Variants in ACTR3B observed in about 807,000 individuals in gnomAD.
ACTR3B encodes the protein actin-related protein 3B.
Under a neutral mutation model 59.0 loss-of-function variants are expected in ACTR3B, and 8 were observed. The ratio of observed to expected loss-of-function variants is 0.14; its 90% CI spans 0.08 to 0.24. The LOEUF (loss-of-function observed/expected upper bound fraction) is 0.24, where lower values mean the gene tolerates loss of function less well. ACTR3B is among the 10% of genes least tolerant of loss of function. ACTR3B has a pLI of 1.00. For missense variants in ACTR3B, 245 were observed against 552.3 expected, an observed-to-expected ratio of 0.44 and a Z score of 5.58; for synonymous variants, 148 against 197.9, an observed-to-expected ratio of 0.75 and a Z score of 2.12.
chr7:152,851,677 T>C (rs1160404520), intron 9 of ACTR3B, among the ~76,000 whole-genome samples: 1 of 152,200 alleles, frequency 6.6e-6, no homozygotes, highest in African/African-American at 2.4e-5. Context: ...TTCCTTCCGG[T>C]AACTTGGATG....
At chr7:152,853,883 A>AT (rs993923773) in intron 11 of ACTR3B, among the ~76,000 whole-genome samples, 6 of 149,760 alleles carry the variant, frequency 4.0e-5, no homozygotes, top group East Asian at 2.0e-4. Flanking sequence ...TGCCCGGCTC[A>AT]TTTTTTTTTG....
chr7:152,846,991 G>C (rs907544578), intron 9 of ACTR3B, among the ~76,000 whole-genome samples: 2 of 149,698 alleles, frequency 1.3e-5, no homozygotes, highest in South Asian at 2.1e-4. Context: ...CAGTGTCCGG[G>C]CTGCAGTCTG....
At chr7:152,774,862 G>T (rs11970830) in intron 1 of ACTR3B, among the ~76,000 whole-genome samples, 2,723 of 152,188 alleles carry the variant, frequency 0.018, 87 homozygotes, top group African/African-American at 0.063. Flanking sequence ...TGGAGATTGT[G>T]CGTTGCTTTA....
At chr7:152,833,264 G>A (rs180950823) in intron 9 of ACTR3B, among the ~76,000 whole-genome samples, 13 of 152,248 alleles carry the variant, frequency 8.5e-5, no homozygotes, top group Admixed American at 5.9e-4. Flanking sequence ...TCAGGCGGCC[G>A]TTGAGGGCTG....
intron 4 of ACTR3B, among the ~76,000 whole-genome samples, chr7:152,810,028 G>T (rs943491436): frequency 6.6e-6 from 1 of 152,128 alleles, no homozygotes; most frequent in Non-Finnish European, 1.5e-5. Flanking sequence ...TTGTGTAAGA[G>T]ATTCTAGAAC....
chr7:152,782,351 C>T (rs1162109248), intron 1 of ACTR3B, among the ~76,000 whole-genome samples: 3 of 151,674 alleles, frequency 2.0e-5, no homozygotes, highest in African/African-American at 7.3e-5. Context: ...TGAGTCTTCT[C>T]GATTTACTTA....
chr7:152,837,428 T>A (rs1192683972), intron 9 of ACTR3B, among the ~76,000 whole-genome samples: 9 of 152,296 alleles, frequency 5.9e-5, no homozygotes, highest in African/African-American at 2.2e-4. Context: ...GCCATCAGAG[T>A]AATTCTGGAT....
rs1460620396 is a variant in ACTR3B at position 152,775,072 on chromosome 7, G to A, written c.45-8115G>A. Among the ~76,000 whole-genome samples the A allele has an allele frequency of 2.6e-5, 4 of 151,300 alleles. No individual in the cohort carries two copies. The East Asian group carries it at 7.8e-4, about 30-fold the overall frequency. ...CCAGGCATGGTGTCGTGCACCTATA[G>A]TCTTGGCCACTCAGGAAGTTGAGGC... is the stretch of plus-strand genomic sequence containing the variant. On this transcript the variant is annotated intron_variant, in intron 1 of 11. Transcript: ENST00000256001.
chr7:152,777,101 A>G (rs1415719036), intron 1 of ACTR3B, among the ~76,000 whole-genome samples: 4 of 152,172 alleles, frequency 2.6e-5, no homozygotes, highest in Non-Finnish European at 4.4e-5. Context: ...TTTGGCTAAT[A>G]GGGTATGTGC....
intron 9 of ACTR3B, among the ~76,000 whole-genome samples, chr7:152,834,062 A>C (rs1797241692): frequency 6.6e-6 from 1 of 151,624 alleles, no homozygotes; most frequent in African/African-American, 2.4e-5. Context: ...TCCAATCTAA[A>C]ATTCATGTTC....
chr7:152,784,064 T>C (rs2098163734), intron 2 of ACTR3B, among the ~76,000 whole-genome samples: 1 of 151,744 alleles, frequency 6.6e-6, no homozygotes. Context: ...CACTCCAGCC[T>C]GAGTGACAAG....
At chr7:152,837,040 G>C (rs397832949) in intron 9 of ACTR3B, among the ~76,000 whole-genome samples, 2 of 152,218 alleles carry the variant, frequency 1.3e-5, no homozygotes, top group African/African-American at 4.8e-5. Context: ...GCTGGATATG[G>C]TGGCATGCAC....
Position 152,759,873 on chromosome 7 carries a change from C to A in ACTR3B, c.-10C>A. ...GCTGCCGGCGGGGCCGAGCGCCGCG[C>A]GTCCCGAGCATGGCAGGCTCCCTGC... On this transcript the variant is annotated 5_prime_UTR_variant, in exon 1 of 12. Coordinates refer to ENST00000256001, the MANE Select transcript of ACTR3B (RefSeq NM_020445.6). 1 of 1,325,452 alleles carries A rather than the reference C, an allele frequency of 7.5e-7. No individual in the cohort carries two copies. Among genetic ancestry groups the A allele is most frequent in the Non-Finnish European group, 9.7e-7 (1 of 1,028,790 alleles). The allele number at this position is 1,325,452 out of a possible 1,614,324, so 82.1% of individuals were successfully genotyped here.
chr7:152,780,843 GA>G (rs1301831490), intron 1 of ACTR3B, among the ~76,000 whole-genome samples: 7 of 129,856 alleles, frequency 5.4e-5, no homozygotes, highest in Admixed American at 3.1e-4. Context: ...TAACTTTTCA[GA>G]TTTTTTTTTT....
chr7:152,786,992 G>T (rs2098176925), intron 2 of ACTR3B, among the ~76,000 whole-genome samples: 1 of 152,122 alleles, frequency 6.6e-6, no homozygotes, highest in African/African-American at 2.4e-5. Flanking sequence ...AAATGGTGCA[G>T]TAAAAATTTC....
chr7:152,780,948 G>C (rs144080097), intron 1 of ACTR3B, among the ~76,000 whole-genome samples: 2,093 of 150,752 alleles, frequency 0.014, 48 homozygotes, highest in African/African-American at 0.047. Context: ...TGGGCTTAAC[G>C]GGTCCTCTTG....
chr7:152,785,272 C>G (rs1335408154), intron 2 of ACTR3B, among the ~76,000 whole-genome samples: 5 of 147,522 alleles, frequency 3.4e-5, no homozygotes, highest in African/African-American at 1.3e-4. Flanking sequence ...AGCTCTCAGG[C>G]TGCAGCTGTC....
Position 152,759,797 on chromosome 7 carries a change from T to C in ACTR3B, c.-86T>C, listed in dbSNP as rs1331351751. 3 of 1,073,572 alleles carry C rather than the reference T, an allele frequency of 2.8e-6. No individual in the cohort carries two copies. The highest frequency in any genetic ancestry group is 1.7e-5 in the African/African-American group (1 of 59,782). The allele number at this position is 1,073,572 out of a possible 1,614,324, so 66.5% of individuals were successfully genotyped here. A position where few individuals can be genotyped will look rare whatever the true frequency, so the allele number is the denominator to read the frequency against. On this transcript the variant is annotated 5_prime_UTR_variant, in exon 1 of 12. Coordinates refer to ENST00000256001, the MANE Select transcript of ACTR3B (RefSeq NM_020445.6). ...CGCTGCGGCGGCTCGCGGGAGACGC[T>C]GCGCGCGGGGCTAGCGGGCGGCGGA...
chr7:152,832,542 C>CA (rs1797112207), intron 9 of ACTR3B, among the ~76,000 whole-genome samples: 1 of 152,140 alleles, frequency 6.6e-6, no homozygotes, highest in Non-Finnish European at 1.5e-5. Context: ...GCGGGTATCT[C>CA]ACGATCTCTT....
Sources: gnomAD v4.1 joint callset for allele counts (sites outside exome capture counted in the v4.1 genomes callset) on GRCh38, gnomAD v4.1.1 for gene constraint, MANE v1.5 for transcripts, NCBI Gene and HGNC (gene_info 2026-07-23, HGNC 2026-07-21) for gene names.